The following RNF216 variants were observed in gnomAD, a reference collection of about 807,000 sequenced individuals.
RNF216 encodes E3 ubiquitin-protein ligase RNF216.
RNF216 carries 72 observed loss-of-function variants against 110.8 expected under a neutral mutation model. The ratio of observed to expected loss-of-function variants is 0.65; its 90% CI spans 0.54 to 0.79. The LOEUF (loss-of-function observed/expected upper bound fraction) is 0.79. Ranked by LOEUF, RNF216 falls within the 30% of genes least tolerant of loss-of-function variation. The pLI is 0.00. For synonymous variants in RNF216, 495 were observed against 407.5 expected, an observed-to-expected ratio of 1.21 and a Z score of -2.59; for missense variants, 1,342 against 1,141.2, an observed-to-expected ratio of 1.18 and a Z score of -2.54.
chr7:5,690,552 C>T (rs1297950607), intron 13 of RNF216, among the ~76,000 whole-genome samples: 5 of 152,144 alleles, frequency 3.3e-5, no homozygotes, highest in Admixed American at 2.6e-4. Context: ...GCCACCTTCA[C>T]CTCCCCTAGA....
chr7:5,631,556 T>C (rs1190570823), intron 15 of RNF216, among the ~76,000 whole-genome samples: 1 of 152,194 alleles, frequency 6.6e-6, no homozygotes, highest in Non-Finnish European at 1.5e-5. Context: ...TTGCCTGACA[T>C]GTTTTCTCCT....
At chr7:5,699,021 T>C (rs1484599629) in intron 13 of RNF216, among the ~76,000 whole-genome samples, 2 of 152,192 alleles carry the variant, frequency 1.3e-5, no homozygotes, top group Non-Finnish European at 2.9e-5. Flanking sequence ...TGAAGACAGC[T>C]AGAGTTTTTG....
intron 3 of RNF216, among the ~76,000 whole-genome samples, chr7:5,747,361 T>C (rs1316334378): frequency 6.6e-6 from 1 of 151,672 alleles, no homozygotes; most frequent in Non-Finnish European, 1.5e-5. Context: ...GGAGAGGGAG[T>C]AAAAACGGAT....
At chr7:5,741,963 A>G (rs1470611762) in intron 3 of RNF216, 148 bp from the exon 4 acceptor site, 2 of 795,902 alleles carry the variant, frequency 2.5e-6, no homozygotes, top group African/African-American at 3.5e-5. Flanking sequence ...TTATCTTAAC[A>G]CTGAAATTTG....
At chr7:5,665,008 G>A (rs950580858) in intron 13 of RNF216, among the ~76,000 whole-genome samples, 6 of 152,142 alleles carry the variant, frequency 3.9e-5, no homozygotes, top group Admixed American at 2.0e-4. Flanking sequence ...ACGTTGGCCA[G>A]GCTGGTCTTG....
chr7:5,762,092 T>A (rs1048923369), intron 1 of RNF216, among the ~76,000 whole-genome samples: 3 of 152,124 alleles, frequency 2.0e-5, no homozygotes, highest in African/African-American at 7.2e-5. Context: ...AATGACCTTA[T>A]TGGACATCAG....
intron 13 of RNF216, among the ~76,000 whole-genome samples, chr7:5,685,846 A>C (rs1370538674): frequency 6.6e-6 from 1 of 152,186 alleles, no homozygotes; most frequent in Non-Finnish European, 1.5e-5. Flanking sequence ...GGCTGGACAA[A>C]AGCAAAACAT....
chr7:5,639,506 C>T (rs992978694), intron 15 of RNF216, among the ~76,000 whole-genome samples: 1 of 152,134 alleles, frequency 6.6e-6, no homozygotes. Context: ...CATTGTCACC[C>T]AGGCTGGAGT....
intron 13 of RNF216, among the ~76,000 whole-genome samples, chr7:5,706,076 C>T (rs988090341): frequency 2.6e-5 from 4 of 151,788 alleles, no homozygotes; most frequent in Admixed American, 1.3e-4. Flanking sequence ...AAAAATTAGC[C>T]GGGCATGGTG....
At chr7:5,674,213 A>G (rs1790118166) in intron 13 of RNF216, among the ~76,000 whole-genome samples, 1 of 152,008 alleles carries the variant, frequency 6.6e-6, no homozygotes, top group Admixed American at 6.6e-5. Context: ...TATTTTTAGT[A>G]GAGACGGGGT....
intron 13 of RNF216, among the ~76,000 whole-genome samples, chr7:5,671,479 T>C (rs1301133699): frequency 6.6e-6 from 1 of 151,978 alleles, no homozygotes; most frequent in Admixed American, 6.6e-5. Context: ...GCTGATGGGG[T>C]GAGCGCTATT....
At chr7:5,693,446 G>A (rs975589320) in intron 13 of RNF216, among the ~76,000 whole-genome samples, 2 of 152,162 alleles carry the variant, frequency 1.3e-5, no homozygotes, top group African/African-American at 4.8e-5. Context: ...ATTGTTCCCT[G>A]CTGATGGGTA....
chr7:5,728,741 C>A (rs1444115883), intron 7 of RNF216, among the ~76,000 whole-genome samples: 1 of 152,174 alleles, frequency 6.6e-6, no homozygotes, highest in African/African-American at 2.4e-5. Context: ...ACAAAAGAAA[C>A]ATCACTGTGT....
chr7:5,766,571 A>AG (rs928239044), intron 1 of RNF216, among the ~76,000 whole-genome samples: 3 of 152,210 alleles, frequency 2.0e-5, no homozygotes, highest in African/African-American at 7.2e-5. Flanking sequence ...TCTGAGATCC[A>AG]GGAAGAGAGA....
At chr7:5,770,704 A>G (rs1323107001) in intron 1 of RNF216, among the ~76,000 whole-genome samples, 1 of 152,198 alleles carries the variant, frequency 6.6e-6, no homozygotes, top group Non-Finnish European at 1.5e-5. Context: ...GAGGATTTAC[A>G]GTAGGAGATA....
At chr7:5,766,633 C>G (rs1301638251) in intron 1 of RNF216, among the ~76,000 whole-genome samples, 1 of 152,156 alleles carries the variant, frequency 6.6e-6, no homozygotes. Context: ...TTCCAAATTC[C>G]AGAACTGTGA....
intron 15 of RNF216, among the ~76,000 whole-genome samples, chr7:5,640,868 T>C (rs531827438): frequency 4.5e-4 from 68 of 152,364 alleles, no homozygotes; most frequent in Admixed American, 2.4e-3. Context: ...CAGATACATG[T>C]GTAAGTTTCC....
rs1794744538 is a variant in RNF216 at position 5,741,347 on chromosome 7, T to C, written c.670A>G (p.Ile224Val). 2 of 1,614,094 alleles carry C rather than the reference T, an allele frequency of 1.2e-6. No individual in the cohort carries two copies. Among genetic ancestry groups the C allele is most frequent in the Admixed American group, 1.7e-5 (1 of 60,008 alleles). The part of the protein sequence containing the change: ...ESAALADDQA[I>V]EEDCWLDHPY... ...TGATCTAACCAGCAGTCTTCTTCGA[T>C]GGCCTGATCATCTGCTAGAGCAGCT... The change falls in exon 4 of 17, where the codon ATC (isoleucine) becomes GTC (valine). Residue 224 changes from isoleucine (I) to valine (V), a missense_variant. By Grantham distance (29) the Ile-to-Val change is conservative. Transcript: ENST00000389902.
chr7:5,674,214 G>A (rs1418920780), intron 13 of RNF216, among the ~76,000 whole-genome samples: 1 of 152,024 alleles, frequency 6.6e-6, no homozygotes, highest in Non-Finnish European at 1.5e-5. Context: ...ATTTTTAGTA[G>A]AGACGGGGTT....
Sources: allele counts gnomAD v4.1 joint callset (sites outside exome capture counted in the v4.1 genomes callset), GRCh38; gene constraint gnomAD v4.1.1; transcripts MANE v1.5; gene names NCBI Gene and HGNC (gene_info 2026-07-23, HGNC 2026-07-21).